Variants in CSMD1 observed in about 807,000 individuals in gnomAD.
The protein encoded by CSMD1 is CUB and Sushi multiple domains 1, also known as CUB and sushi domain-containing protein 1.
Under a neutral mutation model 417.5 loss-of-function variants are expected in CSMD1, and 213 were observed. That is an observed-to-expected ratio of 0.51 (90% CI 0.46 to 0.57). CSMD1 has a LOEUF of 0.57. CSMD1 is among the 20% of genes least tolerant of loss of function. The pLI, the probability that CSMD1 is intolerant of heterozygous loss-of-function variation, is 0.00. For missense variants in CSMD1, 6,923 were observed against 4,529.7 expected (o/e 1.53, Z -15.17); for synonymous variants, 2,862 against 1,736.8 (o/e 1.65, Z -16.11).
chr8:3,729,065 C>A (rs1437960723), intron 6 of CSMD1, among the ~76,000 whole-genome samples: 1 of 152,222 alleles, frequency 6.6e-6, no homozygotes, highest in Non-Finnish European at 1.5e-5. Context: ...GGCCGTAATT[C>A]TCCACGTGAT....
chr8:4,533,763 G>T (rs1218287986), intron 2 of CSMD1, among the ~76,000 whole-genome samples: 2 of 151,652 alleles, frequency 1.3e-5, no homozygotes, highest in African/African-American at 2.4e-5. Flanking sequence ...TACAGTGGGA[G>T]TATTTTAATA....
chr8:2,979,009 T>G (rs1805178984), intron 54 of CSMD1, among the ~76,000 whole-genome samples: 3 of 152,232 alleles, frequency 2.0e-5, no homozygotes, highest in Admixed American at 6.5e-5. Context: ...TCGACCACGA[T>G]AGCAATTTTC....
rs180909816 is a variant in CSMD1 at position 4,717,225 on chromosome 8, A to G, written c.86-79667T>C. Among the ~76,000 whole-genome samples the G allele has an allele frequency of 5.9e-4, 90 of 151,614 alleles. 1 individual carries two copies. The East Asian group carries it at 0.015, about 26-fold the overall frequency. ...AACAGTATTAACAGGTTCCAAATACATAACATAGCTACCTTGGTAATGGCA... is the reference window on the plus strand; with the variant it reads ...AACAGTATTAACAGGTTCCAAATACGTAACATAGCTACCTTGGTAATGGCA... On this transcript the variant is annotated intron_variant, in intron 1 of 69. Transcript: ENST00000635120.
chr8:3,426,265 C>A (rs576444995), intron 12 of CSMD1, among the ~76,000 whole-genome samples: 10 of 152,298 alleles, frequency 6.6e-5, no homozygotes, highest in African/African-American at 2.4e-4. Flanking sequence ...TCCTGCACAT[C>A]ACATGAGTTA....
chr8:3,016,444 C>T (rs1414360873), intron 52 of CSMD1, among the ~76,000 whole-genome samples: 1 of 152,048 alleles, frequency 6.6e-6, no homozygotes. Flanking sequence ...CATGCTGTCG[C>T]CCCCCAGCAA....
chr8:4,164,820 G>A (rs943189120), intron 3 of CSMD1, among the ~76,000 whole-genome samples: 6 of 151,754 alleles, frequency 4.0e-5, no homozygotes, highest in Non-Finnish European at 8.8e-5. Context: ...AGCTTGCAGT[G>A]AGCTGACATT....
rs540825419 is a variant in CSMD1 at position 4,709,897 on chromosome 8, G to C, written c.86-72339C>G. ...ATGAACGTTTAAAGTAAACACATCT[G>C]AAATGGCCCAAGGATTGAAAAACTA... On this transcript the variant is annotated intron_variant, in intron 1 of 69. Transcript: ENST00000635120. Among the ~76,000 whole-genome samples the C allele has an allele frequency of 2.6e-4, 39 of 152,274 alleles. No individual in the cohort carries two copies. In the South Asian group the frequency reaches 7.9e-3, roughly 31 times the overall value.
At chr8:3,458,635 C>T (rs190211786) in intron 12 of CSMD1, among the ~76,000 whole-genome samples, 202 of 152,302 alleles carry the variant, frequency 1.3e-3, no homozygotes, top group African/African-American at 4.7e-3. Flanking sequence ...GCTAGTTGGC[C>T]TAGCTGGTAA....
intron 5 of CSMD1, among the ~76,000 whole-genome samples, chr8:3,943,182 G>A (rs1397198510): frequency 6.6e-6 from 1 of 151,938 alleles, no homozygotes; most frequent in African/African-American, 2.4e-5. Flanking sequence ...ACTCAATTGA[G>A]GATGTTTCCT....
intron 54 of CSMD1, among the ~76,000 whole-genome samples, chr8:2,997,077 C>G (rs890547669): frequency 1.1e-4 from 17 of 152,232 alleles, no homozygotes; most frequent in Non-Finnish European, 1.6e-4. Flanking sequence ...CCCCCTCACT[C>G]TGGTTTCCTT....
At chr8:4,059,114 A>G (rs1052281615) in intron 3 of CSMD1, among the ~76,000 whole-genome samples, 20 of 152,320 alleles carry the variant, frequency 1.3e-4, no homozygotes, top group Non-Finnish European at 1.8e-4. Flanking sequence ...AGTGCAATCA[A>G]ACTAGAACTC....
chr8:4,382,992 G>A (rs952889206), intron 3 of CSMD1, among the ~76,000 whole-genome samples: 13 of 152,298 alleles, frequency 8.5e-5, no homozygotes, highest in East Asian at 3.9e-4. Context: ...TCGCACCATC[G>A]TCTGTATATC....
At chr8:3,743,935 T>A (rs564564788) in intron 6 of CSMD1, among the ~76,000 whole-genome samples, 5 of 152,134 alleles carry the variant, frequency 3.3e-5, no homozygotes, top group African/African-American at 4.8e-5. Context: ...ACATAAAAAA[T>A]TGGAGAATCA....
At chr8:4,429,384 T>C (rs368447295) in intron 2 of CSMD1, among the ~76,000 whole-genome samples, 6 of 152,100 alleles carry the variant, frequency 3.9e-5, no homozygotes, top group Admixed American at 2.6e-4. Context: ...CACATCTACA[T>C]ATACAAACTA....
chr8:4,653,605 G>A (rs1259056042), intron 1 of CSMD1, among the ~76,000 whole-genome samples: 1 of 152,046 alleles, frequency 6.6e-6, no homozygotes, highest in Non-Finnish European at 1.5e-5. Context: ...AATAGTCCCA[G>A]ATAACCACCA....
chr8:2,966,845 A>T, intron 57 of CSMD1, 99 bp from the exon 58 acceptor site: 1 of 1,077,352 alleles, frequency 9.3e-7, no homozygotes, highest in South Asian at 1.5e-5. Context: ...TAGACTACAC[A>T]TTTATTACAA....
chr8:3,796,621 T>A (rs1800167125), intron 5 of CSMD1, among the ~76,000 whole-genome samples: 2 of 148,508 alleles, frequency 1.3e-5, no homozygotes, highest in South Asian at 4.2e-4. Context: ...GATGTATAGA[T>A]ATATATCTTC....
intron 1 of CSMD1, among the ~76,000 whole-genome samples, chr8:4,677,816 A>C (rs1805789430): frequency 6.6e-6 from 1 of 152,188 alleles, no homozygotes; most frequent in Non-Finnish European, 1.5e-5. Context: ...AGAAGAACAA[A>C]AAGGAGGCAA....
At chr8:3,244,793 C>T (rs1343028460) in intron 26 of CSMD1, among the ~76,000 whole-genome samples, 3 of 152,174 alleles carry the variant, frequency 2.0e-5, no homozygotes, top group Admixed American at 6.5e-5. Context: ...GCACACCCTC[C>T]AAGCATCATA....
Sources: allele counts gnomAD v4.1 joint callset (sites outside exome capture counted in the v4.1 genomes callset), GRCh38; gene constraint gnomAD v4.1.1; transcripts MANE v1.5; gene names NCBI Gene and HGNC (gene_info 2026-07-23, HGNC 2026-07-21).